The following SPEG variants were observed in gnomAD, a reference collection of about 807,000 sequenced individuals.
SPEG encodes the protein striated muscle enriched protein kinase, also known as striated muscle preferentially expressed protein kinase.
SPEG carries 114 observed loss-of-function variants against 300.4 expected under a neutral mutation model. The observed-to-expected ratio is 0.38, with a 90% CI of 0.33 to 0.44. The LOEUF is 0.44. SPEG is among the 20% of genes least tolerant of loss of function. The pLI is 1.00. For missense variants in SPEG, 4,201 were observed against 4,586.2 expected (o/e 0.92, Z 2.43); for synonymous variants, 1,964 against 2,018.9 (o/e 0.97, Z 0.73).
intron 1 of SPEG, chr2:219,442,976 C>T: frequency 2.7e-6 from 2 of 743,002 alleles, no homozygotes; most frequent in East Asian, 2.5e-5. Flanking sequence ...GGGTCTCTGC[C>T]CACCTCCCCT....
rs1429675237 is a variant in SPEG, at chr2:219,484,081, C to G, written c.6618C>G (p.Pro2206=). The change falls in exon 30 of 41, where the codon CCC becomes CCG. Residue 2206 remains proline (P), a synonymous_variant. Transcript: ENST00000312358. The part of the protein sequence containing the change: ...ATTPSDAPQP[P]APQPAQDKAP... Reference sequence around the variant, plus strand: ...CACCTAGTGATGCTCCGCAGCCCCCCGCACCCCAGCCTGCCCAAGACAAGG... The same window carrying G: ...CACCTAGTGATGCTCCGCAGCCCCCGGCACCCCAGCCTGCCCAAGACAAGG... 6 of 1,613,550 alleles carry G rather than the reference C, an allele frequency of 3.7e-6. No homozygotes were observed. Among genetic ancestry groups the G allele is most frequent in the East Asian group, 2.2e-5 (1 of 44,868 alleles).
chr2:219,479,728 T>G lies in SPEG; in HGVS notation c.5086-55T>G. 4 of 1,544,744 alleles carry G rather than the reference T, an allele frequency of 2.6e-6. No individual in the cohort carries two copies. The highest frequency in any genetic ancestry group is 3.6e-6 in the Non-Finnish European group (4 of 1,118,878). ...GCCGGACCGCTTGCCGCCCTGGAGG[T>G]GTTCAGACATACACCACCCTTCCCC... On this transcript the variant is annotated intron_variant, in intron 23 of 40. Transcript: ENST00000312358. The surrounding 1 kb of genome is among the most constrained non-coding windows in gnomAD (Gnocchi z 5.5).
rs1253532844 is a variant in SPEG at position 219,464,705 on chromosome 2, A to T, written c.2881+97A>T. ...ACAGCCTCAGTTAGAGGATGCCACC[A>T]CTGAAAGGGCCTTAAGGGGCCCCTA... On this transcript the variant is annotated intron_variant, in intron 9 of 40. Transcript: ENST00000312358. The surrounding 1 kb of genome is among the most constrained non-coding windows in gnomAD (Gnocchi z 4.5). The T allele has an allele frequency of 6.1e-6, 8 of 1,304,344 alleles. No individual in the cohort carries two copies. In the East Asian group the frequency reaches 1.9e-4, roughly 31 times the overall value. 80.8% of individuals were successfully genotyped at this position (1,304,344 alleles called of 1,614,324 possible). A position where few individuals can be genotyped will look rare whatever the true frequency, so the allele number is the denominator to read the frequency against.
chr2:219,484,252 G>GGGCCCTGCCGCGCCGCCT lies in SPEG; in HGVS notation c.6790_6807dup (p.Gly2264_Pro2269dup). 6.2e-7 allele frequency: 1 copy of GGGCCCTGCCGCGCCGCCT among 1,610,446 alleles called. No individual in the cohort carries two copies. Among genetic ancestry groups the GGGCCCTGCCGCGCCGCCT allele is most frequent in the Non-Finnish European group, 8.5e-7 (1 of 1,179,690 alleles). On this transcript the variant is annotated inframe_insertion, in exon 30 of 41. Transcript: ENST00000312358. ...CAGGCCACGCCCAGGGCCCCTCGCA[G>GGGCCCTGCCGCGCCGCCT]GGCCCTGCCGCGCCGCCTTCAGAGC...
intron 31 of SPEG, among the ~76,000 whole-genome samples, chr2:219,485,806 A>G (rs1422231938): frequency 6.6e-6 from 1 of 152,210 alleles, no homozygotes; most frequent in Non-Finnish European, 1.5e-5. Context: ...GAGCAGCTGA[A>G]GTTGGACTGT....
In SPEG at chr2:219,489,769, C is replaced by T; in HGVS notation, c.8751C>T (p.Ala2917=). Residue 2917 remains alanine (A), a synonymous_variant, in exon 36 of 41, where the codon GCC becomes GCT. Coordinates refer to ENST00000312358, the MANE Select transcript of SPEG (RefSeq NM_005876.5). The stretch of plus-strand genomic sequence containing the variant: ...CACCACCAGCCCCTGAGCCCCCAGC[C>T]CCTGAGCCCCCTCCTGAGCCTACCA... ...VSAPPAPEPP[A]PEPPPEPTKV... is the part of the protein sequence containing the mutation. 1 of 1,613,682 alleles carries T rather than the reference C, an allele frequency of 6.2e-7. No homozygotes were observed. The highest frequency in any genetic ancestry group is 8.5e-7 in the Non-Finnish European group (1 of 1,179,924).
intron 14 of SPEG, 75 bp downstream of exon 14, chr2:219,472,062 G>A: frequency 6.3e-7 from 1 of 1,579,692 alleles, no homozygotes; most frequent in Non-Finnish European, 8.6e-7. Flanking sequence ...CAGGGAAAGG[G>A]GCCTCCACCC....
chr2:219,455,992 A>G (rs1690149102), intron 6 of SPEG, among the ~76,000 whole-genome samples: 1 of 152,214 alleles, frequency 6.6e-6, no homozygotes, highest in African/African-American at 2.4e-5. Flanking sequence ...TTTCCAGCCA[A>G]GACCTTGGCC....
Position 219,489,938 on chromosome 2 carries a change from A to G in SPEG, c.8920A>G (p.Arg2974Gly). 1 of 1,561,942 alleles carries G rather than the reference A, an allele frequency of 6.4e-7. No individual in the cohort carries two copies. Among genetic ancestry groups the G allele is most frequent in the African/African-American group, 1.4e-5 (1 of 73,914 alleles). Residue 2974 changes from arginine (R) to glycine (G), a missense_variant and splice_region_variant, in exon 36 of 41, where the codon AGG becomes GGG. By Grantham distance (125) the Arg-to-Gly change is moderately radical (BLOSUM62 -2). This residue lies in a region of SPEG where 318 missense variants were observed against 429.5 expected (regional missense o/e 0.74). Transcript: ENST00000312358. Reference protein sequence around the residue: ...KPYTFLEEKARGRFGVVRACR... With the variant: ...KPYTFLEEKAGGRFGVVRACR... ...CTACACCTTCCTGGAGGAGAAAGCC[A>G]GGCAAGCAGGGCTGGGGAAGGGAAG... is the stretch of plus-strand genomic sequence containing the variant.
In SPEG at chr2:219,449,244, C is replaced by T; in HGVS notation, c.2086C>T (p.Arg696Trp). 1 of 1,391,078 alleles carries T rather than the reference C, an allele frequency of 7.2e-7. No individual in the cohort carries two copies. Among genetic ancestry groups the T allele is most frequent in the Non-Finnish European group, 9.3e-7 (1 of 1,073,708 alleles). 86.2% of individuals were successfully genotyped at this position (1,391,078 alleles called of 1,614,324 possible). Reference protein sequence around the residue: ...RGARSQGKGRRARPTSPELES... With the variant: ...RGARSQGKGRWARPTSPELES... ...GGCCCGCAGCCAGGGCAAAGGTCGC[C>T]GGGCCCGGCCCACCTCCCCTGAGCT... The change falls in exon 4 of 41, where the codon CGG becomes TGG. Residue 696 changes from arginine to tryptophan, a missense_variant. Physicochemically the swap from Arg to Trp is moderately radical, Grantham distance 101 (BLOSUM62 -3). Transcript: ENST00000312358.
chr2:219,454,718 AT>A (rs1194110015), intron 6 of SPEG, among the ~76,000 whole-genome samples: 1 of 152,200 alleles, frequency 6.6e-6, no homozygotes, highest in Non-Finnish European at 1.5e-5. Flanking sequence ...CTGCCTAGGG[AT>A]GTTTTCAGCA....
At chr2:219,437,219 A>AGAGG (rs1345612691) in intron 1 of SPEG, 1 of 152,286 alleles carries the variant, frequency 6.6e-6, no homozygotes, top group Non-Finnish European at 1.5e-5. Context: ...AAAGAGCGAG[A>AGAGG]GAGGGAGGGA....
Position 219,448,730 on chromosome 2 carries a change from C to T in SPEG, c.1572C>T (p.Ala524=), listed in dbSNP as rs1575058227. The T allele has an allele frequency of 2.0e-6, 3 of 1,489,078 alleles. No individual in the cohort carries two copies. Among genetic ancestry groups the T allele is most frequent in the Admixed American group, 2.2e-5 (1 of 45,154 alleles). 92.2% of individuals were successfully genotyped at this position (1,489,078 alleles called of 1,614,324 possible). ...HESLRATLQR[A]PSPREPGEPP... Reference sequence around the variant, plus strand: ...CCCTGCGCGCCACGCTGCAGCGTGCCCCATCCCCTCGAGAGCCCGGCGAGC... The same window carrying T: ...CCCTGCGCGCCACGCTGCAGCGTGCTCCATCCCCTCGAGAGCCCGGCGAGC... Residue 524 remains alanine, a synonymous_variant, in exon 4 of 41, where the codon GCC becomes GCT. Coordinates refer to ENST00000312358, the MANE Select transcript of SPEG (RefSeq NM_005876.5).
At position 219,484,863 on chromosome 2, in the gene SPEG, G is replaced by T. The variant is rs1171831700; in HGVS notation, c.7400G>T (p.Arg2467Leu). 2.0e-6 allele frequency: 3 copies of T among 1,523,112 alleles called. No individual in the cohort carries two copies. The highest frequency in any genetic ancestry group is 5.1e-5 in the East Asian group (2 of 39,162). The allele number at this position is 1,523,112 out of a possible 1,614,324, so 94.3% of individuals were successfully genotyped here. Residue 2467 changes from arginine to leucine, a missense_variant, in exon 30 of 41, where the codon CGA (arginine) becomes CTA (leucine). By Grantham distance (102) the Arg-to-Leu change is moderately radical. This residue lies in a region of SPEG where 1,578 missense variants were observed against 1,506.0 expected (regional missense o/e 1.05). Transcript: ENST00000312358. ...LSFTLERLSS[R>L]LQRSGSSEDS... ...TTCACCCTGGAGCGGCTGTCCAGCC[G>T]ATTGCAGCGCAGTGGCAGCAGCGAG...
intron 3 of SPEG, among the ~76,000 whole-genome samples, chr2:219,446,955 T>C (rs1161331010): frequency 6.6e-6 from 1 of 151,528 alleles, no homozygotes; most frequent in African/African-American, 2.4e-5. Context: ...ATGTGTCAGG[T>C]ATGATAATAC....
chr2:219,451,707 G>T lies in SPEG; in HGVS notation c.2340G>T (p.Leu780=). ...CTGAGGGTGAGCGGCACACCCTGCT[G>T]CTCAGGGAGGCCAGGGCAGCAGATG... ...LRAEGERHTL[L]LREARAADAG... Residue 780 remains leucine (L), a synonymous_variant, in exon 6 of 41, where the codon CTG becomes CTT. Transcript: ENST00000312358. The surrounding 1 kb of genome is among the most constrained non-coding windows in gnomAD (Gnocchi z 6.4). 6.4e-7 allele frequency: 1 copy of T among 1,569,418 alleles called. No individual in the cohort carries two copies. Among genetic ancestry groups the T allele is most frequent in the Non-Finnish European group, 8.6e-7 (1 of 1,158,308 alleles).
chr2:219,477,085 C>A lies in SPEG; in HGVS notation c.4560+103C>A. ...TAGGAGGGCGGAGCCCGGGCAGAGG[C>A]GTGGTTAGGAGGAGGAAAGGGGCTG... On this transcript the variant is annotated intron_variant, in intron 19 of 40. Transcript: ENST00000312358. The surrounding 1 kb of genome is among the most constrained non-coding windows in gnomAD (Gnocchi z 6.4). The A allele has an allele frequency of 8.8e-7, 1 of 1,133,196 alleles. No homozygotes were observed. The highest frequency in any genetic ancestry group is 1.2e-6 in the Non-Finnish European group (1 of 801,438). 70.2% of individuals were successfully genotyped at this position (1,133,196 alleles called of 1,614,324 possible). A position where few individuals can be genotyped will look rare whatever the true frequency, so the allele number is the denominator to read the frequency against.
Position 219,484,585 on chromosome 2 carries a change from G to A in SPEG, c.7122G>A (p.Arg2374=), listed in dbSNP as rs1575175298. ...RGAEEEDGIY[R]PSPAGTPLEL... is the part of the protein sequence containing the mutation. ...CCGAGGAGGAGGATGGCATATACCGGCCCAGCCCGGCGGGGACCCCGCTGG... is the reference window on the plus strand; with the variant it reads ...CCGAGGAGGAGGATGGCATATACCGACCCAGCCCGGCGGGGACCCCGCTGG... Residue 2374 remains arginine (R), a synonymous_variant, in exon 30 of 41, where the codon CGG becomes CGA. Coordinates refer to ENST00000312358, the MANE Select transcript of SPEG (RefSeq NM_005876.5). 3 of 1,574,534 alleles carry A rather than the reference G, an allele frequency of 1.9e-6. No individual in the cohort carries two copies. Among genetic ancestry groups the A allele is most frequent in the African/African-American group, 2.7e-5 (2 of 74,034 alleles).
rs749636522 is a variant in SPEG at position 219,448,182 on chromosome 2, C to T, written c.1024C>T (p.Pro342Ser). ...GTCGCCCCACCGTCGCACTCAGGAG[C>T]CTGTGCTGCCCGAGGACACCACCAC... ...PTSPHRRTQE[P>S]VLPEDTTTEE... The change falls in exon 4 of 41, where the codon CCT becomes TCT. Residue 342 changes from proline (P) to serine (S), a missense_variant. This residue lies in a region of SPEG where 1,258 missense variants were observed against 1,293.9 expected (regional missense o/e 0.97). Coordinates refer to ENST00000312358, the MANE Select transcript of SPEG (RefSeq NM_005876.5). The T allele has an allele frequency of 1.9e-6, 3 of 1,612,188 alleles. No homozygotes were observed. The highest frequency in any genetic ancestry group is 1.7e-4 in the Middle Eastern group (1 of 6,054).
Sources: gnomAD v4.1 joint callset for allele counts (sites outside exome capture counted in the v4.1 genomes callset) on GRCh38, gnomAD v4.1.1 for gene constraint, gnomAD v4.1.1 regional missense constraint, Gnocchi (gnomAD v3.1) non-coding constraint, MANE v1.5 for transcripts, NCBI Gene and HGNC (gene_info 2026-07-23, HGNC 2026-07-21) for gene names.